The following CACNA1S variants were observed in gnomAD, a reference collection of about 807,000 sequenced individuals.
CACNA1S encodes the protein voltage-dependent L-type calcium channel subunit alpha-1S.
A neutral mutation model predicts 207.4 loss-of-function variants in CACNA1S; 126 were observed. The observed-to-expected ratio is 0.61, with a 90% CI of 0.53 to 0.70. The LOEUF (loss-of-function observed/expected upper bound fraction) is 0.70. Ranked by LOEUF, CACNA1S falls within the 30% of genes least tolerant of loss-of-function variation. The pLI, the probability that CACNA1S is intolerant of heterozygous loss-of-function variation, is 0.00. For synonymous variants in CACNA1S, 960 were observed against 932.7 expected, an observed-to-expected ratio of 1.03 and a Z score of -0.53; for missense variants, 2,349 against 2,422.8, an observed-to-expected ratio of 0.97 and a Z score of 0.64.
intron 2 of CACNA1S, among the ~76,000 whole-genome samples, chr1:201,109,720 ATAAAACTC>A (rs1261689699): frequency 6.6e-5 from 10 of 152,218 alleles, no homozygotes; most frequent in African/African-American, 1.9e-4. Context: ...AGATTCCTGG[ATAAAACTC>A]TCCCATGAAG....
At chr1:201,056,845 C>T (rs997570116) in intron 28 of CACNA1S, among the ~76,000 whole-genome samples, 1 of 152,172 alleles carries the variant, frequency 6.6e-6, no homozygotes, top group East Asian at 1.9e-4. Flanking sequence ...GTTTCTCATT[C>T]CACCTCCAAA....
At chr1:201,060,204 GA>G (rs1329280152) in intron 26 of CACNA1S, among the ~76,000 whole-genome samples, 1 of 152,140 alleles carries the variant, frequency 6.6e-6, no homozygotes, top group Non-Finnish European at 1.5e-5. Context: ...ATGCTTAATC[GA>G]GGCTTGATAA....
intron 2 of CACNA1S, among the ~76,000 whole-genome samples, chr1:201,095,201 T>TAC (rs1038819236): frequency 9.9e-5 from 15 of 151,394 alleles, no homozygotes; most frequent in Non-Finnish European, 1.9e-4. Context: ...TGTATATATA[T>TAC]ACACACACAT....
rs1238822753 is a variant in CACNA1S at position 201,060,680 on chromosome 1, T to C, written c.3392A>G (p.Asn1131Ser). The C allele has an allele frequency of 6.2e-7, 1 of 1,614,158 alleles. No individual in the cohort carries two copies. The highest frequency in any genetic ancestry group is 8.5e-7 in the Non-Finnish European group (1 of 1,180,022). ...TACCTGCATGCCGAGGCAGATGGTGTTGAGCATGATGAGGGCAAACATCAG... is the reference window on the plus strand; with the variant it reads ...TACCTGCATGCCGAGGCAGATGGTGCTGAGCATGATGAGGGCAAACATCAG... ...EYLMFALIML[N>S]TICLGMQHYN... The change falls in exon 26 of 44, where the codon AAC becomes AGC. Residue 1131 changes from asparagine to serine, a missense_variant. Coordinates refer to ENST00000362061, the MANE Select transcript of CACNA1S (RefSeq NM_000069.3).
At chr1:201,095,849 T>C (rs1662404911) in intron 2 of CACNA1S, among the ~76,000 whole-genome samples, 1 of 152,186 alleles carries the variant, frequency 6.6e-6, no homozygotes, top group Non-Finnish European at 1.5e-5. Context: ...AGGAGCGGGC[T>C]GGAGCAACTA....
chr1:201,081,310 A>G (rs1350719397), intron 10 of CACNA1S, among the ~76,000 whole-genome samples: 8 of 152,182 alleles, frequency 5.3e-5, no homozygotes, highest in Admixed American at 4.6e-4. Flanking sequence ...TCTGCCACTA[A>G]AAGACTTCCT....
chr1:201,062,091 C>T lies in CACNA1S; in HGVS notation c.2907-1G>A, dbSNP rs781771795. 1 of 1,613,550 alleles carries T rather than the reference C, an allele frequency of 6.2e-7. No homozygotes were observed. Among genetic ancestry groups the T allele is most frequent in the East Asian group, 2.2e-5 (1 of 44,860 alleles). On this transcript the variant is annotated splice_acceptor_variant, in intron 23 of 43. Transcript: ENST00000362061. LOFTEE classifies it high-confidence loss of function. ...GTCCTTGTACACGTAGTAGTAGCCCCTGTGGCAGGGAGGCCCAGTCACTCC... is the reference window on the plus strand; with the variant it reads ...GTCCTTGTACACGTAGTAGTAGCCCTTGTGGCAGGGAGGCCCAGTCACTCC...
At chr1:201,042,056 C>T (rs1035397929) in intron 40 of CACNA1S, 2 of 235,366 alleles carry the variant, frequency 8.5e-6, no homozygotes, top group Non-Finnish European at 8.5e-6. Context: ...GTCTTTCCAG[C>T]CCATGGTGAT....
rs777426409 is a variant in CACNA1S, at chr1:201,051,115, T to G, written c.3982A>C (p.Ile1328Leu). ...TTCCCATAGCTGCAGGCCAGTAGGA[T>G]CTCCTGCCAGGCCTCACCTGTTGCA... ...RCATGEAWQE[I>L]LLACSYGKLC... The change falls in exon 33 of 44, where the codon ATC becomes CTC. Residue 1328 changes from isoleucine to leucine, a missense_variant. Ile to Leu is a conservative substitution (Grantham distance 5). Coordinates refer to ENST00000362061, the MANE Select transcript of CACNA1S (RefSeq NM_000069.3). 1 of 1,614,116 alleles carries G rather than the reference T, an allele frequency of 6.2e-7. No individual in the cohort carries two copies. The highest frequency in any genetic ancestry group is 1.7e-5 in the Admixed American group (1 of 60,004).
intron 22 of CACNA1S, among the ~76,000 whole-genome samples, chr1:201,064,138 G>C (rs1182284119): frequency 6.6e-6 from 1 of 152,212 alleles, no homozygotes; most frequent in Non-Finnish European, 1.5e-5. Flanking sequence ...CATTCCTTCA[G>C]GGAGCGTGTC....
chr1:201,091,880 G>C, intron 4 of CACNA1S, 88 bp from the exon 5 acceptor site: 1 of 1,600,384 alleles, frequency 6.2e-7, no homozygotes, highest in Non-Finnish European at 8.5e-7. Context: ...GGAAGCCCCT[G>C]AGATGTCAAG....
At chr1:201,093,017 G>C (rs1490650302) in intron 3 of CACNA1S, among the ~76,000 whole-genome samples, 1 of 152,186 alleles carries the variant, frequency 6.6e-6, no homozygotes, top group Non-Finnish European at 1.5e-5. Context: ...AGGGAAAACA[G>C]GATTGTGGCA....
chr1:201,093,435 G>GA (rs1365219200), intron 3 of CACNA1S, among the ~76,000 whole-genome samples: 1 of 152,182 alleles, frequency 6.6e-6, no homozygotes, highest in East Asian at 1.9e-4. Flanking sequence ...CCAATCTGTG[G>GA]AATGTTATTA....
chr1:201,101,497 A>G (rs1216377220), intron 2 of CACNA1S, among the ~76,000 whole-genome samples: 1 of 152,266 alleles, frequency 6.6e-6, no homozygotes, highest in African/African-American at 2.4e-5. Flanking sequence ...ACTTTGACAC[A>G]GGGGCTCGGC....
chr1:201,087,805 G>T (rs1662087302), intron 7 of CACNA1S, 21 bp downstream of exon 7: 2 of 1,508,808 alleles, frequency 1.3e-6, no homozygotes, highest in East Asian at 2.3e-5. Context: ...TTTCTCCCCT[G>T]GCTACCTTTG....
intron 19 of CACNA1S, among the ~76,000 whole-genome samples, chr1:201,067,990 CCTT>C (rs906771816): frequency 6.6e-6 from 1 of 152,150 alleles, no homozygotes; most frequent in Admixed American, 6.5e-5. Context: ...GATGGGTTCT[CCTT>C]CTGCCCCCAG....
intron 1 of CACNA1S, among the ~76,000 whole-genome samples, chr1:201,111,519 C>A (rs1041456568): frequency 6.6e-6 from 1 of 152,110 alleles, no homozygotes; most frequent in Non-Finnish European, 1.5e-5. Context: ...CTAGAACAAC[C>A]AGGCTTGTTT....
At chr1:201,081,823 G>A (rs193159320) in intron 10 of CACNA1S, among the ~76,000 whole-genome samples, 1 of 152,184 alleles carries the variant, frequency 6.6e-6, no homozygotes, top group African/African-American at 2.4e-5. Flanking sequence ...AAAAGTGTGT[G>A]GCACCTCCCC....
At chr1:201,069,106 TC>T in intron 19 of CACNA1S, 30 bp downstream of exon 19, 1 of 1,602,360 alleles carries the variant, frequency 6.2e-7, no homozygotes, top group Non-Finnish European at 8.6e-7. Context: ...GGAAACTCCC[TC>T]CCCAGGGCTG....
Sources: allele counts gnomAD v4.1 joint callset (sites outside exome capture counted in the v4.1 genomes callset), GRCh38; gene constraint gnomAD v4.1.1; transcripts MANE v1.5; gene names NCBI Gene and HGNC (gene_info 2026-07-23, HGNC 2026-07-21).